The following ZNF609 variants were observed in gnomAD, a reference collection of about 807,000 sequenced individuals.
ZNF609 encodes zinc finger protein 609.
Under a neutral mutation model 109.5 loss-of-function variants are expected in ZNF609, and 11 were observed. That is an observed-to-expected ratio of 0.10 (90% confidence interval 0.06 to 0.17). The LOEUF (loss-of-function observed/expected upper bound fraction) is 0.17, where lower values mean the gene tolerates loss of function less well. Among genes scored for constraint, ZNF609 ranks in the 10% least tolerant of loss-of-function variants. ZNF609 has a pLI of 1.00. For synonymous variants in ZNF609, 646 were observed against 662.0 expected (o/e 0.98, Z 0.37); for missense variants, 1,559 against 1,772.4 (o/e 0.88, Z 2.16).
At chr15:64,487,046 C>T (rs544012714) in intron 1 of ZNF609, among the ~76,000 whole-genome samples, 1 of 152,038 alleles carries the variant, frequency 6.6e-6, no homozygotes, top group South Asian at 2.1e-4. Flanking sequence ...ATTATTGAGC[C>T]GTTTGATATA....
At chr15:64,615,177 G>A (rs1168907237) in intron 2 of ZNF609, among the ~76,000 whole-genome samples, 2 of 151,950 alleles carry the variant, frequency 1.3e-5, no homozygotes, top group East Asian at 1.9e-4. Flanking sequence ...CCAGGCTAGA[G>A]TGCAGTGGTA....
intron 2 of ZNF609, among the ~76,000 whole-genome samples, chr15:64,615,826 C>G (rs1895790330): frequency 6.6e-6 from 1 of 152,152 alleles, no homozygotes; most frequent in African/African-American, 2.4e-5. Flanking sequence ...TCTGATAATT[C>G]TGAATAAATC....
chr15:64,649,508 T>C (rs948092518), intron 3 of ZNF609, among the ~76,000 whole-genome samples: 17 of 152,178 alleles, frequency 1.1e-4, no homozygotes, highest in Non-Finnish European at 2.4e-4. Context: ...GAAAGGTAAG[T>C]AAGTAGCTGA....
chr15:64,627,155 A>C (rs946717420), intron 3 of ZNF609, among the ~76,000 whole-genome samples: 2 of 151,156 alleles, frequency 1.3e-5, no homozygotes, highest in African/African-American at 2.4e-5. Flanking sequence ...GTGCCACTAC[A>C]CTCCAGCCTG....
intron 2 of ZNF609, among the ~76,000 whole-genome samples, chr15:64,586,224 G>T (rs1328966827): frequency 1.3e-5 from 2 of 151,966 alleles, no homozygotes; most frequent in South Asian, 2.1e-4. Context: ...TACTCGGGAG[G>T]CTGAGGCAGG....
chr15:64,523,534 G>A (rs1368529522), intron 2 of ZNF609, among the ~76,000 whole-genome samples: 10 of 151,994 alleles, frequency 6.6e-5, no homozygotes, highest in Non-Finnish European at 1.3e-4. Context: ...CCAGCACTTC[G>A]GGAGGCTGAG....
chr15:64,672,052 G>A (rs1325295584), intron 4 of ZNF609, among the ~76,000 whole-genome samples: 18 of 124,280 alleles, frequency 1.4e-4, no homozygotes, highest in African/African-American at 3.2e-4. Flanking sequence ...TCGCTCTGTC[G>A]CCCAGGCTGG....
At chr15:64,496,819 C>CA (rs1893488606) in intron 1 of ZNF609, among the ~76,000 whole-genome samples, 1 of 146,014 alleles carries the variant, frequency 6.8e-6, no homozygotes, top group Non-Finnish European at 1.5e-5. Context: ...TTTTTTCTTT[C>CA]TTTTTTTTTT....
chr15:64,551,771 T>G (rs1894481266), intron 2 of ZNF609, among the ~76,000 whole-genome samples: 1 of 150,146 alleles, frequency 6.7e-6, no homozygotes, highest in South Asian at 2.2e-4. Flanking sequence ...ATTTATTGAT[T>G]AAGCTTACCT....
chr15:64,676,907 C>A (rs1238655621), intron 5 of ZNF609, among the ~76,000 whole-genome samples: 1 of 151,936 alleles, frequency 6.6e-6, no homozygotes, highest in Non-Finnish European at 1.5e-5. Flanking sequence ...GTGCACGCCA[C>A]CACACCTGGC....
chr15:64,474,457 C>G (rs1450641563), intron 1 of ZNF609, among the ~76,000 whole-genome samples: 1 of 152,150 alleles, frequency 6.6e-6, no homozygotes, highest in African/African-American at 2.4e-5. Context: ...AGGTGATCCG[C>G]CTGCCTCAGC....
intron 2 of ZNF609, among the ~76,000 whole-genome samples, chr15:64,518,939 TA>T (rs906601240): frequency 2.0e-5 from 3 of 152,118 alleles, no homozygotes; most frequent in African/African-American, 7.2e-5. Context: ...GGGGATAATG[TA>T]AGCAAAATAG....
At chr15:64,666,623 T>C (rs1896652820) in intron 3 of ZNF609, among the ~76,000 whole-genome samples, 1 of 151,822 alleles carries the variant, frequency 6.6e-6, no homozygotes, top group Admixed American at 6.6e-5. Context: ...GCAGTTCTCT[T>C]GCCACAGCCT....
intron 2 of ZNF609, among the ~76,000 whole-genome samples, chr15:64,554,504 A>G (rs866122748): frequency 6.6e-6 from 1 of 151,920 alleles, no homozygotes; most frequent in Middle Eastern, 3.4e-3. Flanking sequence ...AACCACAAAA[A>G]TTAGCCGGGC....
In ZNF609 at chr15:64,475,392, C is replaced by CTTTTTTT. The variant is rs35289626; in HGVS notation, c.-128+14567_-128+14573dup. Among the ~76,000 whole-genome samples, 3 of 109,588 alleles carry CTTTTTTT rather than the reference C, an allele frequency of 2.7e-5. 1 individual carries two copies. Among genetic ancestry groups the CTTTTTTT allele is most frequent in the Non-Finnish European group, 5.1e-5 (3 of 59,048 alleles). The allele number at this position is 109,588 out of a possible 152,430, so 71.9% of individuals were successfully genotyped here. Reference sequence around the variant, plus strand: ...GTTGTAGTACTTTATCACATGTTGTCTTTTTTTTTTTTTTTTTTTGAGACG... The same window carrying CTTTTTTT: ...GTTGTAGTACTTTATCACATGTTGTCTTTTTTTTTTTTTTTTTTTTTTTTTTGAGACG... On this transcript the variant is annotated intron_variant, in intron 1 of 9. Transcript: ENST00000326648.
intron 1 of ZNF609, among the ~76,000 whole-genome samples, chr15:64,488,954 C>T (rs181061063): frequency 1.0e-3 from 152 of 150,320 alleles, no homozygotes; most frequent in Non-Finnish European, 1.5e-3. Flanking sequence ...AACAATTAGC[C>T]GGGTATGGTG....
chr15:64,666,843 TTGG>T (rs1274793466), intron 3 of ZNF609, among the ~76,000 whole-genome samples: 1 of 151,070 alleles, frequency 6.6e-6, no homozygotes, highest in Non-Finnish European at 1.5e-5. Flanking sequence ...AATCTAAGAT[TTGG>T]GCCAGGCGCG....
chr15:64,547,792 G>A (rs1175631844), intron 2 of ZNF609, among the ~76,000 whole-genome samples: 2 of 152,198 alleles, frequency 1.3e-5, no homozygotes, highest in East Asian at 3.9e-4. Context: ...TTACATTCTA[G>A]TGGGGGGAAT....
At chr15:64,486,127 T>C (rs781708495) in intron 1 of ZNF609, among the ~76,000 whole-genome samples, 2 of 152,166 alleles carry the variant, frequency 1.3e-5, no homozygotes, top group Non-Finnish European at 2.9e-5. Flanking sequence ...CACAATAAGA[T>C]TTTTGATAAA....
Sources: gnomAD v4.1 joint callset for allele counts (sites outside exome capture counted in the v4.1 genomes callset) on GRCh38, gnomAD v4.1.1 for gene constraint, MANE v1.5 for transcripts, NCBI Gene and HGNC (gene_info 2026-07-23, HGNC 2026-07-21) for gene names.